The following GTF2F2 variants were observed in gnomAD, a reference collection of about 807,000 sequenced individuals.
GTF2F2 encodes the protein ATP-dependent helicase GTF2F2.
In GTF2F2, 23 loss-of-function variants were observed where a neutral mutation model predicts 42.2. The observed-to-expected ratio is 0.55, with a 90% CI of 0.39 to 0.77. The LOEUF is 0.77. Among genes scored for constraint, GTF2F2 ranks in the 30% least tolerant of loss-of-function variants. GTF2F2 has a pLI of 0.00. For synonymous variants in GTF2F2, 105 were observed against 100.8 expected (o/e 1.04, Z -0.25); for missense variants, 261 against 287.2 (o/e 0.91, Z 0.66).
intron 1 of GTF2F2, chr13:45,122,946 T>C: frequency 6.6e-6 from 1 of 152,014 alleles, no homozygotes; most frequent in Non-Finnish European, 1.5e-5. Context: ...GGAAAAAAAT[T>C]AGTGCTTCAC....
chr13:45,151,590 A>G, intron 3 of GTF2F2, 97 bp from the exon 4 acceptor site: 1 of 719,740 alleles, frequency 1.4e-6, no homozygotes, highest in Non-Finnish European at 2.2e-6. Context: ...ATGACTGGAA[A>G]ACACATTTAA....
chr13:45,170,684 G>T (rs1374619821), intron 4 of GTF2F2, among the ~76,000 whole-genome samples: 2 of 152,206 alleles, frequency 1.3e-5, no homozygotes, highest in Non-Finnish European at 2.9e-5. Context: ...TAGAGAATCT[G>T]CATACAAGAA....
rs549260852 is a variant in GTF2F2 at position 45,257,522 on chromosome 13, A to G, written c.486+4552A>G. ...GACACTTCACTTTAATATACTCAAG[A>G]TTAGTAAGCTTTAGGAATTTGTTTA... On this transcript the variant is annotated intron_variant, in intron 6 of 7. Transcript: ENST00000340473. Among the ~76,000 whole-genome samples, 3 of 152,358 alleles carry G rather than the reference A, an allele frequency of 2.0e-5. No individual in the cohort carries two copies. The East Asian group carries it at 5.8e-4, about 29-fold the overall frequency.
intron 5 of GTF2F2, among the ~76,000 whole-genome samples, chr13:45,236,745 A>G (rs1218491498): frequency 6.6e-6 from 1 of 152,238 alleles, no homozygotes; most frequent in Non-Finnish European, 1.5e-5. Flanking sequence ...ATACTAGTCT[A>G]AGTAAAATAG....
At chr13:45,224,537 T>C (rs1295423647) in intron 5 of GTF2F2, among the ~76,000 whole-genome samples, 1 of 152,214 alleles carries the variant, frequency 6.6e-6, no homozygotes, top group Non-Finnish European at 1.5e-5. Flanking sequence ...TTGCATTTAA[T>C]AAATCACAAA....
chr13:45,184,550 G>A (rs1174716949), intron 4 of GTF2F2, among the ~76,000 whole-genome samples: 6 of 152,052 alleles, frequency 3.9e-5, no homozygotes, highest in African/African-American at 1.4e-4. Flanking sequence ...ACTGTAGCTA[G>A]CCTTTTTTCC....
intron 1 of GTF2F2, among the ~76,000 whole-genome samples, chr13:45,126,749 A>G (rs536745746): frequency 6.6e-5 from 10 of 152,356 alleles, no homozygotes; most frequent in East Asian, 5.8e-4. Flanking sequence ...AACGAAAACA[A>G]TTATTTTCAG....
chr13:45,131,897 CAAAAAA>C (rs765260379), intron 1 of GTF2F2, among the ~76,000 whole-genome samples: 28 of 53,202 alleles, frequency 5.3e-4, no homozygotes, highest in Admixed American at 1.0e-3. Context: ...GACCCTGTCT[CAAAAAA>C]AAAAAAAAAA....
intron 4 of GTF2F2, among the ~76,000 whole-genome samples, chr13:45,204,283 C>T (rs910984907): frequency 1.3e-5 from 2 of 152,118 alleles, no homozygotes; most frequent in African/African-American, 2.4e-5. Flanking sequence ...TGCCACAGAA[C>T]GTTTAAGAAA....
At position 45,273,655 on chromosome 13, in the gene GTF2F2, A is replaced by ATTTTTTTTTTTT. The variant is rs773254844; in HGVS notation, c.630+6285_630+6296dup. ...CCACTTGATTTTAAAGAGTGGTAAA[A>ATTTTTTTTTTTT]TTTTTTTTTTTTTTTTTGAGACGGA... On this transcript the variant is annotated intron_variant, in intron 7 of 7. Transcript: ENST00000340473. Among the ~76,000 whole-genome samples, 1,147 of 123,716 alleles carry ATTTTTTTTTTTT rather than the reference A, an allele frequency of 9.3e-3. 64 individuals are homozygous for ATTTTTTTTTTTT. The highest frequency in any genetic ancestry group is 0.018 in the African/African-American group (514 of 28,344). 81.2% of individuals were successfully genotyped at this position (123,716 alleles called of 152,430 possible). A position where few individuals can be genotyped will look rare whatever the true frequency, so the allele number is the denominator to read the frequency against.
chr13:45,167,582 T>C (rs1041627921), intron 4 of GTF2F2, among the ~76,000 whole-genome samples: 2 of 152,090 alleles, frequency 1.3e-5, no homozygotes, highest in African/African-American at 4.8e-5. Context: ...GTATTTTTAG[T>C]AGAGATGGGG....
chr13:45,240,910 T>C (rs993493712), intron 5 of GTF2F2, among the ~76,000 whole-genome samples: 3 of 146,196 alleles, frequency 2.1e-5, no homozygotes, highest in African/African-American at 7.7e-5. Context: ...GAGGCCCAGG[T>C]GGGCGGATCA....
intron 7 of GTF2F2, among the ~76,000 whole-genome samples, chr13:45,278,023 A>G (rs563787302): frequency 6.6e-6 from 1 of 152,380 alleles, no homozygotes; most frequent in South Asian, 2.1e-4. Context: ...AAATTTAGAT[A>G]TAATTGATTT....
chr13:45,255,668 C>T (rs1876074086), intron 6 of GTF2F2, among the ~76,000 whole-genome samples: 1 of 152,182 alleles, frequency 6.6e-6, no homozygotes, highest in Admixed American at 6.5e-5. Context: ...CTGAGAGCTA[C>T]GTGTAAATAG....
intron 4 of GTF2F2, among the ~76,000 whole-genome samples, chr13:45,198,920 A>G (rs1165055327): frequency 6.6e-6 from 1 of 152,200 alleles, no homozygotes; most frequent in African/African-American, 2.4e-5. Flanking sequence ...ACATGTTTTA[A>G]GAATCAAGGA....
intron 5 of GTF2F2, among the ~76,000 whole-genome samples, chr13:45,241,307 G>A (rs748162105): frequency 6.6e-6 from 1 of 152,000 alleles, no homozygotes; most frequent in Non-Finnish European, 1.5e-5. Context: ...CCCACCTGGG[G>A]TGGAGCATAT....
intron 5 of GTF2F2, among the ~76,000 whole-genome samples, chr13:45,234,967 C>T (rs1874881102): frequency 7.0e-6 from 1 of 142,554 alleles, no homozygotes; most frequent in African/African-American, 2.7e-5. Context: ...ATCGCCTGAA[C>T]CCAGGAGGCA....
At chr13:45,216,972 C>G (rs1321772659) in intron 5 of GTF2F2, among the ~76,000 whole-genome samples, 5 of 152,084 alleles carry the variant, frequency 3.3e-5, no homozygotes, top group Admixed American at 2.6e-4. Flanking sequence ...TTTCATGTCC[C>G]TAAATGTCTG....
At chr13:45,181,928 C>T (rs1217930656) in intron 4 of GTF2F2, among the ~76,000 whole-genome samples, 3 of 152,060 alleles carry the variant, frequency 2.0e-5, no homozygotes, top group Non-Finnish European at 4.4e-5. Context: ...TTTGAATAGT[C>T]TACCACAAGC....
Sources: allele counts gnomAD v4.1 joint callset (sites outside exome capture counted in the v4.1 genomes callset), GRCh38; gene constraint gnomAD v4.1.1; transcripts MANE v1.5; gene names NCBI Gene and HGNC (gene_info 2026-07-23, HGNC 2026-07-21).